Variants in GRIK1 observed in about 807,000 individuals in gnomAD.
GRIK1 encodes the protein glutamate receptor ionotropic, kainate 1.
In GRIK1, 69 loss-of-function variants were observed where a neutral mutation model predicts 105.7. That is an observed-to-expected ratio of 0.65 (90% CI 0.54 to 0.80). The LOEUF is 0.80. GRIK1 is among the 30% of genes least tolerant of loss of function. The pLI, the probability that GRIK1 is intolerant of heterozygous loss-of-function variation, is 0.00. For synonymous variants in GRIK1, 438 were observed against 431.3 expected (o/e 1.02, Z -0.19); for missense variants, 1,109 against 1,167.3 (o/e 0.95, Z 0.73).
chr21:29,811,772 A>G (rs539109819), intron 1 of GRIK1, among the ~76,000 whole-genome samples: 14 of 152,166 alleles, frequency 9.2e-5, no homozygotes, highest in African/African-American at 3.4e-4. Flanking sequence ...CTTATCTTCC[A>G]CCTTCATTAT....
At chr21:29,665,281 C>T (rs934682342) in intron 4 of GRIK1, among the ~76,000 whole-genome samples, 3 of 152,156 alleles carry the variant, frequency 2.0e-5, no homozygotes, top group Non-Finnish European at 2.9e-5. Flanking sequence ...TTCTTGTATA[C>T]ATTTAATAAT....
At chr21:29,882,849 C>G (rs1217057644) in intron 1 of GRIK1, among the ~76,000 whole-genome samples, 1 of 152,052 alleles carries the variant, frequency 6.6e-6, no homozygotes, top group African/African-American at 2.4e-5. Flanking sequence ...GAAGCATTCT[C>G]TATCTACCAC....
chr21:29,839,799 A>G (rs1163392281), intron 1 of GRIK1, among the ~76,000 whole-genome samples: 3 of 152,248 alleles, frequency 2.0e-5, no homozygotes, highest in Admixed American at 6.5e-5. Flanking sequence ...CTGATATCTT[A>G]TAAGGAATAG....
At chr21:29,669,619 T>C (rs2063126503) in intron 4 of GRIK1, among the ~76,000 whole-genome samples, 1 of 152,126 alleles carries the variant, frequency 6.6e-6, no homozygotes, top group South Asian at 2.1e-4. Context: ...AATGACCTTA[T>C]ATGGGTCACT....
intron 17 of GRIK1, 71 bp from the exon 18 acceptor site, chr21:29,537,456 C>G: frequency 1.6e-6 from 2 of 1,251,700 alleles, no homozygotes; most frequent in Non-Finnish European, 2.2e-6. Flanking sequence ...TGCCTCTTGC[C>G]TAGGTATTTA....
At chr21:29,599,783 ACT>A (rs1231061345) in intron 7 of GRIK1, among the ~76,000 whole-genome samples, 1 of 152,004 alleles carries the variant, frequency 6.6e-6, no homozygotes, top group Non-Finnish European at 1.5e-5. Flanking sequence ...ACAGAGCAAG[ACT>A]CTGTCACAAA....
chr21:29,609,911 G>C lies in GRIK1; in HGVS notation c.1099-10974C>G, dbSNP rs78150619. Among the ~76,000 whole-genome samples the C allele has an allele frequency of 3.8e-3, 582 of 152,164 alleles. 5 individuals are homozygous for C. The highest frequency in any genetic ancestry group is 0.013 in the African/African-American group (559 of 41,518). On this transcript the variant is annotated intron_variant, in intron 7 of 17. Transcript: ENST00000327783. ...CTCCTATTGGTTTTGTTTCTCTGGA[G>C]AATCCTGACTAATATGCCAGGAATG... is the stretch of plus-strand genomic sequence containing the variant.
intron 7 of GRIK1, among the ~76,000 whole-genome samples, chr21:29,639,323 T>G (rs2062461753): frequency 6.6e-6 from 1 of 152,226 alleles, no homozygotes; most frequent in Admixed American, 6.5e-5. Flanking sequence ...GAATTGAGAC[T>G]GAAAACGCAT....
chr21:29,567,469 A>G (rs1409763592), intron 14 of GRIK1, among the ~76,000 whole-genome samples: 2 of 152,152 alleles, frequency 1.3e-5, no homozygotes, highest in African/African-American at 4.8e-5. Flanking sequence ...ATGATTTTAT[A>G]TATCGATCTG....
chr21:29,753,329 A>G (rs2065252745), intron 1 of GRIK1, among the ~76,000 whole-genome samples: 1 of 152,220 alleles, frequency 6.6e-6, no homozygotes. Context: ...AATTAATGGG[A>G]AGATTTTCTT....
intron 1 of GRIK1, among the ~76,000 whole-genome samples, chr21:29,921,103 T>C (rs1251437389): frequency 2.0e-5 from 3 of 151,998 alleles, no homozygotes; most frequent in Non-Finnish European, 4.4e-5. Flanking sequence ...TGATGTCTAG[T>C]AGCACTCCTG....
rs1227000564 is a variant in GRIK1, at chr21:29,782,148, G to A, written c.119-88085C>T. Among the ~76,000 whole-genome samples, 18 of 148,178 alleles carry A rather than the reference G, an allele frequency of 1.2e-4. No homozygotes were observed. The East Asian group carries it at 1.2e-3, about 10-fold the overall frequency. ...GTCGCCCAGGCTGGAGTGCAGTGGC[G>A]CGATCTCGGCTCACTGCAAGCTCTG... On this transcript the variant is annotated intron_variant, in intron 1 of 17. Coordinates refer to ENST00000327783, the MANE Select transcript of GRIK1 (RefSeq NM_001330994.2).
intron 1 of GRIK1, among the ~76,000 whole-genome samples, chr21:29,929,274 G>A (rs2071486614): frequency 6.6e-6 from 1 of 152,144 alleles, no homozygotes; most frequent in African/African-American, 2.4e-5. Flanking sequence ...TTTCACTATG[G>A]CAATCTGCAG....
At chr21:29,637,293 T>G (rs907881998) in intron 7 of GRIK1, among the ~76,000 whole-genome samples, 1 of 152,210 alleles carries the variant, frequency 6.6e-6, no homozygotes, top group Admixed American at 6.5e-5. Context: ...GATGCTTCAG[T>G]GCTTGCTGCT....
intron 7 of GRIK1, among the ~76,000 whole-genome samples, chr21:29,610,302 AGGT>A (rs1234635366): frequency 6.6e-6 from 1 of 152,126 alleles, no homozygotes; most frequent in Non-Finnish European, 1.5e-5. Flanking sequence ...GGAACCTAGA[AGGT>A]AGCAACAGAA....
At chr21:29,594,210 T>C (rs1368346142) in intron 9 of GRIK1, among the ~76,000 whole-genome samples, 2 of 151,966 alleles carry the variant, frequency 1.3e-5, no homozygotes, top group South Asian at 2.1e-4. Flanking sequence ...TGTGTGTATG[T>C]GCACGCATGT....
At chr21:29,697,969 C>A (rs73197532) in intron 1 of GRIK1, among the ~76,000 whole-genome samples, 1,439 of 140,624 alleles carry the variant, frequency 0.01, 15 homozygotes, top group Non-Finnish European at 0.018. Context: ...TCCTTTCTTT[C>A]TTTCTCTCTG....
At chr21:29,582,983 T>G (rs2091054236) in intron 12 of GRIK1, among the ~76,000 whole-genome samples, 1 of 152,050 alleles carries the variant, frequency 6.6e-6, no homozygotes, top group Admixed American at 6.6e-5. Context: ...CACAAGGAAA[T>G]GAGCAGACAA....
chr21:29,824,311 T>C (rs2067386256), intron 1 of GRIK1, among the ~76,000 whole-genome samples: 1 of 151,988 alleles, frequency 6.6e-6, no homozygotes, highest in South Asian at 2.1e-4. Flanking sequence ...GAAAACATTT[T>C]TGTGAGTGTC....
Sources: gnomAD v4.1 joint callset for allele counts (sites outside exome capture counted in the v4.1 genomes callset) on GRCh38, gnomAD v4.1.1 for gene constraint, MANE v1.5 for transcripts, NCBI Gene and HGNC (gene_info 2026-07-23, HGNC 2026-07-21) for gene names.